The following ZNF560 variants were observed in gnomAD, a reference collection of about 807,000 sequenced individuals.
ZNF560 encodes zinc finger protein 560.
ZNF560 carries 54 observed loss-of-function variants against 81.8 expected under a neutral mutation model. That is an observed-to-expected ratio of 0.66 (90% CI 0.53 to 0.83). ZNF560 has a LOEUF of 0.83. ZNF560 is among the 40% of genes least tolerant of loss of function. The pLI is 0.00. For missense variants in ZNF560, 940 were observed against 932.4 expected (o/e 1.01, Z -0.11); for synonymous variants, 321 against 317.9 (o/e 1.01, Z -0.10).
the ZNF560 span, among the ~76,000 whole-genome samples, chr19:9,459,721 G>A: frequency 6.6e-6 from 1 of 152,170 alleles, no homozygotes. Context: ...TAGAAAGGTA[G>A]CTGTGATGGT....
rs1295016226 is a variant in ZNF560, at chr19:9,467,968, C to G, written c.979G>C (p.Glu327Gln). ...EKLNEWKQCG[E>Q]AFTHSTSHAV... Reference sequence around the variant, plus strand: ...TGGCTTGTGGAGTGAGTAAATGCTTCCCCACATTGCTTCCATTCATTGAGT... The same window carrying G: ...TGGCTTGTGGAGTGAGTAAATGCTTGCCCACATTGCTTCCATTCATTGAGT... The change falls in exon 10 of 10, where the codon GAA becomes CAA. Residue 327 changes from glutamate (E) to glutamine (Q), a missense_variant. By Grantham distance (29) the Glu-to-Gln change is conservative (BLOSUM62 2). Transcript: ENST00000301480. 1 of 1,614,034 alleles carries G rather than the reference C, an allele frequency of 6.2e-7. No homozygotes were observed. Among genetic ancestry groups the G allele is most frequent in the Admixed American group, 1.7e-5 (1 of 60,008 alleles).
intron 7 of ZNF560, 137 bp downstream of exon 7, chr19:9,470,255 C>T: frequency 1.0e-6 from 1 of 979,802 alleles, no homozygotes; most frequent in Non-Finnish European, 1.5e-6. Context: ...TCCTATTTTA[C>T]TCATTAAAAA....
chr19:9,490,369 C>G (rs534159578), intron 2 of ZNF560, among the ~76,000 whole-genome samples: 128 of 152,274 alleles, frequency 8.4e-4, no homozygotes, highest in African/African-American at 2.9e-3. Context: ...ACTTAACTAT[C>G]AAAGACAATG....
intron 2 of ZNF560, among the ~76,000 whole-genome samples, chr19:9,476,814 T>C (rs1197745201): frequency 1.3e-5 from 2 of 152,182 alleles, no homozygotes; most frequent in African/African-American, 4.8e-5. Context: ...TTCATAGCAG[T>C]GAGAACAGAC....
At chr19:9,483,048 C>T (rs2073318126) in intron 2 of ZNF560, among the ~76,000 whole-genome samples, 1 of 152,130 alleles carries the variant, frequency 6.6e-6, no homozygotes, top group Non-Finnish European at 1.5e-5. Context: ...CTTGGCCTCC[C>T]AAAGTGCCGA....
the ZNF560 span, among the ~76,000 whole-genome samples, chr19:9,450,197 A>G: frequency 6.6e-6 from 1 of 151,580 alleles, no homozygotes; most frequent in South Asian, 2.1e-4. Flanking sequence ...AGGCTGAGGC[A>G]GGAGAATCAT....
intron 2 of ZNF560, among the ~76,000 whole-genome samples, 197 bp from the exon 3 acceptor site, chr19:9,475,566 G>T (rs868622350): frequency 6.6e-6 from 1 of 151,412 alleles, no homozygotes; most frequent in Admixed American, 6.6e-5. Context: ...CCAAGCTGTC[G>T]TAAGTAAAAG....
At chr19:9,480,227 A>AAACAAC (rs201069248) in intron 2 of ZNF560, among the ~76,000 whole-genome samples, 2 of 152,152 alleles carry the variant, frequency 1.3e-5, no homozygotes, top group Admixed American at 1.3e-4. Context: ...TTAGGTCACA[A>AAACAAC]AACAACAACA....
chr19:9,498,295 A>T (rs1359204599), intron 1 of ZNF560, 80 bp from the exon 2 acceptor site: 3 of 152,148 alleles, frequency 2.0e-5, no homozygotes, highest in African/African-American at 7.2e-5. Context: ...TGAAGACGGG[A>T]ACACACGGCT....
intron 4 of ZNF560, 46 bp from the exon 5 acceptor site, chr19:9,473,305 G>A (rs1354257865): frequency 1.4e-6 from 2 of 1,460,020 alleles, no homozygotes; most frequent in South Asian, 1.3e-5. Flanking sequence ...CTCAGGCCAG[G>A]CACAGTGGCT....
In ZNF560 at chr19:9,494,831, C is replaced by T. The variant is rs144942347; in HGVS notation, c.-57+3297G>A. ...CTGAGGCAAAAGAATCACTTGAACCCGGGAGGCAGAGGTTGTGGTGAGCCA... is the reference window on the plus strand; with the variant it reads ...CTGAGGCAAAAGAATCACTTGAACCTGGGAGGCAGAGGTTGTGGTGAGCCA... On this transcript the variant is annotated intron_variant, in intron 2 of 9. Coordinates refer to ENST00000301480, the MANE Select transcript of ZNF560 (RefSeq NM_152476.3). Among the ~76,000 whole-genome samples the T allele has an allele frequency of 2.1e-3, 318 of 151,918 alleles. 2 individuals carry two copies. The highest frequency in any genetic ancestry group is 7.3e-3 in the African/African-American group (303 of 41,442).
downstream of ZNF560, among the ~76,000 whole-genome samples, chr19:9,466,234 TA>T (rs752619246): frequency 6.6e-6 from 1 of 151,376 alleles, no homozygotes; most frequent in South Asian, 2.1e-4. Context: ...TAATCCCAGC[TA>T]CTCAGGAGAC....
chr19:9,468,634 C>T (rs2073072058), intron 9 of ZNF560, among the ~76,000 whole-genome samples: 1 of 151,900 alleles, frequency 6.6e-6, no homozygotes, highest in African/African-American at 2.4e-5. Context: ...AAGCTTCACA[C>T]AAGGTATGGG....
chr19:9,482,835 G>A (rs552849649), intron 2 of ZNF560, among the ~76,000 whole-genome samples: 37 of 152,226 alleles, frequency 2.4e-4, no homozygotes, highest in African/African-American at 7.7e-4. Context: ...ACTGGTTTTC[G>A]TATTTTTTTG....
chr19:9,466,424 G>C lies in ZNF560; in HGVS notation c.*150C>G. ...CAGGGTTTCTCTACAGTGTGAGTTTGTACATATCTAGAAAGATTCAACTGT... is the reference window on the plus strand; with the variant it reads ...CAGGGTTTCTCTACAGTGTGAGTTTCTACATATCTAGAAAGATTCAACTGT... On this transcript the variant is annotated 3_prime_UTR_variant, in exon 10 of 10. Transcript: ENST00000301480. 1 of 672,770 alleles carries C rather than the reference G, an allele frequency of 1.5e-6. No homozygotes were observed. The highest frequency in any genetic ancestry group is 2.5e-6 in the Non-Finnish European group (1 of 404,088). The allele number at this position is 672,770 out of a possible 1,614,324, so 41.7% of individuals were successfully genotyped here. A position where few individuals can be genotyped will look rare whatever the true frequency, so the allele number is the denominator to read the frequency against.
chr19:9,453,804 A>AAT, the ZNF560 span, among the ~76,000 whole-genome samples: 36 of 152,352 alleles, frequency 2.4e-4, no homozygotes, highest in African/African-American at 8.4e-4. Flanking sequence ...TGTGACTGAT[A>AAT]ATACTTGTAA....
chr19:9,446,022 T>A, the ZNF560 span, among the ~76,000 whole-genome samples: 1 of 152,050 alleles, frequency 6.6e-6, no homozygotes, highest in East Asian at 1.9e-4. Context: ...CCTCTCTTTC[T>A]CACTGAGCAT....
At chr19:9,448,395 CTTTTT>C in the ZNF560 span, among the ~76,000 whole-genome samples, 1 of 89,808 alleles carries the variant, frequency 1.1e-5, no homozygotes, top group Admixed American at 1.3e-4. Context: ...CCATGCCTGG[CTTTTT>C]TTTTTTTTTT....
chr19:9,459,550 T>G, the ZNF560 span, among the ~76,000 whole-genome samples: 1 of 152,074 alleles, frequency 6.6e-6, no homozygotes, highest in South Asian at 2.1e-4. Flanking sequence ...GTCAAAGGAA[T>G]GAGACAAGTT....
Sources: allele counts gnomAD v4.1 joint callset (sites outside exome capture counted in the v4.1 genomes callset), GRCh38; gene constraint gnomAD v4.1.1; transcripts MANE v1.5; gene names NCBI Gene and HGNC (gene_info 2026-07-23, HGNC 2026-07-21).